The following TMEM120B variants were observed in gnomAD, a reference collection of about 807,000 sequenced individuals.
TMEM120B encodes transmembrane protein 120B.
Under a neutral mutation model 55.5 loss-of-function variants are expected in TMEM120B, and 31 were observed. That is an observed-to-expected ratio of 0.56 (90% CI 0.42 to 0.75). The LOEUF (loss-of-function observed/expected upper bound fraction) is 0.75. TMEM120B is among the 30% of genes least tolerant of loss of function. The probability of loss-of-function intolerance (pLI) is 0.00; values close to 1 mark genes in which losing one functional copy is unlikely to be tolerated. For synonymous variants in TMEM120B, 203 were observed against 176.3 expected (o/e 1.15, Z -1.20); for missense variants, 399 against 425.5 (o/e 0.94, Z 0.55).
chr12:121,735,402 G>A (rs550785955), intron 1 of TMEM120B, among the ~76,000 whole-genome samples: 151 of 146,364 alleles, frequency 1.0e-3, no homozygotes, highest in Non-Finnish European at 1.5e-3. Context: ...CATATTACCA[G>A]ATTTTTTTTT....
intron 5 of TMEM120B, chr12:121,758,932 A>T (rs1028554777): frequency 7.1e-6 from 7 of 984,542 alleles, no homozygotes; most frequent in Non-Finnish European, 8.4e-6. Flanking sequence ...ACCATGGAGG[A>T]GGACGGCCCA....
intron 4 of TMEM120B, 111 bp from the exon 5 acceptor site, chr12:121,752,017 T>C: frequency 2.3e-6 from 2 of 852,302 alleles, no homozygotes; most frequent in East Asian, 4.9e-5. Context: ...AAGGTCCTTA[T>C]GGGCCATGGC....
chr12:121,750,344 C>A, intron 3 of TMEM120B, 36 bp from the exon 4 acceptor site: 1 of 1,599,378 alleles, frequency 6.3e-7, no homozygotes, highest in Non-Finnish European at 8.6e-7. Flanking sequence ...CACCCACCTG[C>A]TAAGGATCAT....
At chr12:121,761,612 C>G in intron 5 of TMEM120B, 37 bp from the exon 6 acceptor site, 1 of 1,552,300 alleles carries the variant, frequency 6.4e-7, no homozygotes, top group South Asian at 1.1e-5. Flanking sequence ...CTGGTTCTCA[C>G]GCCCGCACCC....
Position 121,775,406 on chromosome 12 carries a change from T to C in TMEM120B, c.907-203T>C, listed in dbSNP as rs2137423493. 1.0e-6 allele frequency: 1 copy of C among 983,302 alleles called. No individual in the cohort carries two copies. The highest frequency in any genetic ancestry group is 1.7e-5 in the African/African-American group (1 of 57,172). 60.9% of individuals were successfully genotyped at this position (983,302 alleles called of 1,614,324 possible). The stretch of plus-strand genomic sequence containing the variant: ...TCCCAATCTGTGGATCCCAAGGAGG[T>C]TCGCCCCATCGAGCCCTTCCCAGGC... On this transcript the variant is annotated intron_variant, in intron 11 of 11. Coordinates refer to ENST00000449592, the MANE Select transcript of TMEM120B (RefSeq NM_001080825.2). The surrounding 1 kb of genome is among the most constrained non-coding windows in gnomAD (Gnocchi z 4.3).
chr12:121,723,146 T>TTTTG (rs71801370), intron 1 of TMEM120B, among the ~76,000 whole-genome samples: 2,146 of 151,054 alleles, frequency 0.014, 23 homozygotes, highest in South Asian at 0.075. Flanking sequence ...CGCGCCTGGC[T>TTTTG]TTTGTTTGTT....
rs1401672119 is a variant in TMEM120B at position 121,780,883 on chromosome 12, T to A, written c.*5161T>A. ...TGGCCCCGGCCCACCTGCATGTAGG[T>A]GATGGGCTCCAGCTGGGCGGCCCGG... On this transcript the variant is annotated 3_prime_UTR_variant, in exon 12 of 12. Transcript: ENST00000449592. 5.0e-6 allele frequency: 8 copies of A among 1,613,230 alleles called. No individual in the cohort carries two copies. The highest frequency in any genetic ancestry group is 6.8e-6 in the Non-Finnish European group (8 of 1,179,834).
intron 2 of TMEM120B, among the ~76,000 whole-genome samples, chr12:121,745,858 TG>T (rs1873066015): frequency 6.6e-6 from 1 of 151,838 alleles, no homozygotes; most frequent in Non-Finnish European, 1.5e-5. Flanking sequence ...TGTTGTTTTT[TG>T]TTATTGTTGT....
intron 5 of TMEM120B, among the ~76,000 whole-genome samples, chr12:121,754,885 C>G (rs944624123): frequency 2.0e-5 from 3 of 152,144 alleles, no homozygotes; most frequent in Admixed American, 6.6e-5. Flanking sequence ...CCGGTGCCCC[C>G]GGGAAGCCTG....
intron 2 of TMEM120B, among the ~76,000 whole-genome samples, 155 bp from the exon 3 acceptor site, chr12:121,748,171 G>A (rs1873156184): frequency 5.9e-5 from 5 of 84,740 alleles, no homozygotes; most frequent in African/African-American, 2.1e-4. Context: ...GGAGGCACTG[G>A]GGTAGAAGGT....
At chr12:121,761,868 C>G (rs7980551) in intron 6 of TMEM120B, 130 bp downstream of exon 6, 33,609 of 668,876 alleles carry the variant, frequency 0.05, 1,689 homozygotes, top group African/African-American at 0.2. Flanking sequence ...TGTGACTGTT[C>G]AGATCCAGGA....
chr12:121,761,851 G>A, intron 6 of TMEM120B, 113 bp downstream of exon 6: 1 of 791,440 alleles, frequency 1.3e-6, no homozygotes, highest in Non-Finnish European at 2.1e-6. Flanking sequence ...CTCCTTGGGG[G>A]TTGCTCTGTG....
rs144586340 is a variant in TMEM120B, at chr12:121,762,476, C to T, written c.551+738C>T. Among the ~76,000 whole-genome samples the T allele has an allele frequency of 3.8e-3, 578 of 152,284 alleles. 8 individuals carry two copies. The highest frequency in any genetic ancestry group is 0.013 in the African/African-American group (550 of 41,558). On this transcript the variant is annotated intron_variant, in intron 6 of 11. Transcript: ENST00000449592. ...CTCTCTTCCAAGACTCTCACTGGGT[C>T]GCACTGGCTATGTCCAGGTGCAGAA...
At chr12:121,764,376 C>T (rs544843002) in intron 6 of TMEM120B, among the ~76,000 whole-genome samples, 12 of 152,136 alleles carry the variant, frequency 7.9e-5, no homozygotes, top group East Asian at 7.7e-4. Flanking sequence ...CAAAATTAGC[C>T]GGGCGTGGTG....
In TMEM120B at chr12:121,777,668, T is replaced by G. The variant is rs1874288978; in HGVS notation, c.*1946T>G. ...CTGTAAAGGGCCAGATGGCAACTAT[T>G]TTGAGCTTTATGGGCCAGGTGGTTT... is the stretch of plus-strand genomic sequence containing the variant. On this transcript the variant is annotated 3_prime_UTR_variant, in exon 12 of 12. Coordinates refer to ENST00000449592, the MANE Select transcript of TMEM120B (RefSeq NM_001080825.2). 6.6e-6 allele frequency: 1 copy of G among 152,268 alleles called. No homozygotes were observed. The highest frequency in any genetic ancestry group is 1.5e-5 in the Non-Finnish European group (1 of 68,042). The allele number at this position is 152,268 out of a possible 1,614,324, so 9.4% of individuals were successfully genotyped here. A position where few individuals can be genotyped will look rare whatever the true frequency, so the allele number is the denominator to read the frequency against.
chr12:121,740,581 C>T (rs1365808899), intron 1 of TMEM120B, among the ~76,000 whole-genome samples: 1 of 151,090 alleles, frequency 6.6e-6, no homozygotes, highest in Non-Finnish European at 1.5e-5. Flanking sequence ...TGGAAGTGCA[C>T]CATTGTAAAG....
chr12:121,724,756 G>A (rs1427208561), intron 1 of TMEM120B, among the ~76,000 whole-genome samples: 3 of 151,742 alleles, frequency 2.0e-5, no homozygotes, highest in Admixed American at 1.3e-4. Context: ...GACTACAGGC[G>A]CCCGCCACCA....
intron 5 of TMEM120B, among the ~76,000 whole-genome samples, chr12:121,753,163 A>G (rs1265420663): frequency 6.6e-6 from 1 of 152,148 alleles, no homozygotes; most frequent in Non-Finnish European, 1.5e-5. Context: ...AGGCTGCAGC[A>G]TGGATGAACC....
chr12:121,726,186 A>G (rs1384436260), intron 1 of TMEM120B, among the ~76,000 whole-genome samples: 1 of 152,124 alleles, frequency 6.6e-6, no homozygotes, highest in East Asian at 1.9e-4. Context: ...AGATGTGGTG[A>G]TGGTTGTACA....
Sources: gnomAD v4.1 joint callset for allele counts (sites outside exome capture counted in the v4.1 genomes callset) on GRCh38, gnomAD v4.1.1 for gene constraint, Gnocchi (gnomAD v3.1) non-coding constraint, MANE v1.5 for transcripts, NCBI Gene and HGNC (gene_info 2026-07-23, HGNC 2026-07-21) for gene names.